The following LGALS12 variants were observed in gnomAD, a reference collection of about 807,000 sequenced individuals.
LGALS12 encodes galectin 12.
A neutral mutation model predicts 36.8 loss-of-function variants in LGALS12; 36 were observed. The ratio of observed to expected loss-of-function variants is 0.98; its 90% confidence interval spans 0.75 to 1.29. The LOEUF (loss-of-function observed/expected upper bound fraction) is 1.29, where lower values mean the gene tolerates loss of function less well. LGALS12 is among the 50% of genes most tolerant of loss of function. The pLI is 0.00. For synonymous variants in LGALS12, 145 were observed against 155.9 expected, an observed-to-expected ratio of 0.93 and a Z score of 0.52; for missense variants, 366 against 394.3, an observed-to-expected ratio of 0.93 and a Z score of 0.61.
In LGALS12 at chr11:63,516,546, G is replaced by A. The variant is rs1181338223; in HGVS notation, c.*153G>A. ...CGAGACTGAGTCTACAGGAGCTTTGGGCCTGAGGGAAGGCACAAGAGTGCA... is the reference window on the plus strand; with the variant it reads ...CGAGACTGAGTCTACAGGAGCTTTGAGCCTGAGGGAAGGCACAAGAGTGCA... On this transcript the variant is annotated 3_prime_UTR_variant, in exon 9 of 9. Coordinates refer to ENST00000394618, the MANE Select transcript of LGALS12 (RefSeq NM_033101.4). The A allele has an allele frequency of 1.1e-6, 1 of 883,574 alleles. No individual in the cohort carries two copies. Among genetic ancestry groups the A allele is most frequent in the Non-Finnish European group, 1.8e-6 (1 of 571,200 alleles). 54.7% of individuals were successfully genotyped at this position (883,574 alleles called of 1,614,324 possible).
At position 63,516,482 on chromosome 11, in the gene LGALS12, T is replaced by G; in HGVS notation, c.*89T>G. ...TCCTCCCCTCATTAAACCATCCACC[T>G]GACACCAGCACATCAGGCCTGGTTC... On this transcript the variant is annotated 3_prime_UTR_variant, in exon 9 of 9. Transcript: ENST00000394618. 1 of 1,461,460 alleles carries G rather than the reference T, an allele frequency of 6.8e-7. No homozygotes were observed. Among genetic ancestry groups the G allele is most frequent in the Non-Finnish European group, 9.5e-7 (1 of 1,055,344 alleles). The allele number at this position is 1,461,460 out of a possible 1,614,324, so 90.5% of individuals were successfully genotyped here.
chr11:63,506,824 T>C (rs1206595159), intron 1 of LGALS12, among the ~76,000 whole-genome samples: 1 of 151,346 alleles, frequency 6.6e-6, no homozygotes, highest in Non-Finnish European at 1.5e-5. Flanking sequence ...GGTGTGGGGG[T>C]AGGATTGTTG....
intron 5 of LGALS12, among the ~76,000 whole-genome samples, chr11:63,510,868 G>A (rs937883766): frequency 5.3e-5 from 8 of 152,214 alleles, no homozygotes; most frequent in African/African-American, 1.9e-4. Context: ...CACAGGGAGT[G>A]GATGACAAAT....
At chr11:63,511,609 G>A (rs1411015043) in intron 6 of LGALS12, 143 bp from the exon 7 acceptor site, 2 of 633,756 alleles carry the variant, frequency 3.2e-6, no homozygotes, top group East Asian at 2.7e-5. Flanking sequence ...AGGAGGCCAG[G>A]TGCTTAACAA....
At chr11:63,509,951 ACTCCT>A in intron 4 of LGALS12, 54 bp downstream of exon 4, 1 of 1,584,466 alleles carries the variant, frequency 6.3e-7, no homozygotes, top group Non-Finnish European at 8.6e-7. Flanking sequence ...ATTTCCCCTG[ACTCCT>A]GGACGGGCCT....
chr11:63,509,968 G>A (rs900470549), intron 4 of LGALS12, 71 bp downstream of exon 4: 3 of 1,548,850 alleles, frequency 1.9e-6, no homozygotes, highest in Non-Finnish European at 2.6e-6. Context: ...GACGGGCCTG[G>A]GACCCCTTCC....
intron 3 of LGALS12, among the ~76,000 whole-genome samples, 172 bp downstream of exon 3, chr11:63,509,163 G>A (rs2016840667): frequency 6.6e-6 from 1 of 152,238 alleles, no homozygotes; most frequent in Non-Finnish European, 1.5e-5. Context: ...CCACATGGCA[G>A]CAAGAAAGCT....
In LGALS12 at chr11:63,515,607, C is replaced by T; in HGVS notation, c.692C>T (p.Thr231Ile). Residue 231 changes from threonine (T) to isoleucine (I), a missense_variant, in exon 8 of 9, where the codon ACA (threonine) becomes ATA (isoleucine). Thr to Ile is a moderately conservative substitution (Grantham distance 89, BLOSUM62 -1). Coordinates refer to ENST00000394618, the MANE Select transcript of LGALS12 (RefSeq NM_033101.4). ...LRDQAAHAPV[T>I]LRASFADRTL... ...GACCAGGCTGCCCATGCTCCTGTGA[C>T]ACTCAGGGCCTCCTTCGCAGACAGA... 1.9e-6 allele frequency: 3 copies of T among 1,614,212 alleles called. No homozygotes were observed. The highest frequency in any genetic ancestry group is 1.7e-6 in the Non-Finnish European group (2 of 1,180,016).
At chr11:63,507,332 G>C (rs897637061) in intron 1 of LGALS12, among the ~76,000 whole-genome samples, 1 of 152,164 alleles carries the variant, frequency 6.6e-6, no homozygotes, top group Non-Finnish European at 1.5e-5. Context: ...GTTCCTAAAG[G>C]TTGTTGGGAG....
Position 63,509,768 on chromosome 11 carries a change from G to C in LGALS12, c.373-10G>C. On this transcript the variant is annotated splice_polypyrimidine_tract_variant and intron_variant, in intron 3 of 8. Transcript: ENST00000394618. ...GCTGCTGATAAGCCAGCCTCTGTCT[G>C]TCTCTCCAGGTGAGTGTGAATGGAC... 1 of 1,613,558 alleles carries C rather than the reference G, an allele frequency of 6.2e-7. No individual in the cohort carries two copies. Among genetic ancestry groups the C allele is most frequent in the Non-Finnish European group, 8.5e-7 (1 of 1,179,678 alleles).
chr11:63,508,275 C>G, intron 1 of LGALS12: 1 of 1,305,056 alleles, frequency 7.7e-7, no homozygotes, highest in Non-Finnish European at 9.8e-7. Flanking sequence ...CTGTTGTGTC[C>G]TAGGAGCTGG....
chr11:63,511,139 G>A (rs746317243), intron 6 of LGALS12, 34 bp downstream of exon 6: 1 of 1,605,622 alleles, frequency 6.2e-7, no homozygotes, highest in Non-Finnish European at 8.5e-7. Context: ...TGTCAGGGCT[G>A]GGGGCGCAGC....
In LGALS12 at chr11:63,507,712, G is replaced by A. The variant is rs2016781467; in HGVS notation, c.70-841G>A. Among the ~76,000 whole-genome samples, 6 of 146,926 alleles carry A rather than the reference G, an allele frequency of 4.1e-5. No individual in the cohort carries two copies. In the South Asian group the frequency reaches 1.3e-3, roughly 33 times the overall value. On this transcript the variant is annotated intron_variant, in intron 1 of 8. Coordinates refer to ENST00000394618, the MANE Select transcript of LGALS12 (RefSeq NM_033101.4). Reference sequence around the variant, plus strand: ...AAAACTGTATGATGTATTTTAGGAAGGCCAGGCAACTTCTTTTTTTTTTTT... The same window carrying A: ...AAAACTGTATGATGTATTTTAGGAAAGCCAGGCAACTTCTTTTTTTTTTTT...
chr11:63,516,357 C>T lies in LGALS12; in HGVS notation c.909C>T (p.Ile303=), dbSNP rs200473132. Residue 303 remains isoleucine (I), a synonymous_variant, in exon 9 of 9, where the codon ATC becomes ATT. Coordinates refer to ENST00000394618, the MANE Select transcript of LGALS12 (RefSeq NM_033101.4). ...QALEQLRELR[I]SGSVQLYCVH... is the part of the protein sequence containing the mutation. ...TGGAGCAGCTGCGGGAGCTCCGGAT[C>T]AGTGGAAGTGTCCAGCTCTACTGTG... The T allele has an allele frequency of 5.6e-6, 9 of 1,613,964 alleles. No individual in the cohort carries two copies. The East Asian group carries it at 2.0e-4, about 36-fold the overall frequency.
chr11:63,510,514 G>T lies in LGALS12; in HGVS notation c.531+13G>T, dbSNP rs2016885688. 6.2e-7 allele frequency: 1 copy of T among 1,613,702 alleles called. No homozygotes were observed. The highest frequency in any genetic ancestry group is 1.3e-5 in the African/African-American group (1 of 74,882). On this transcript the variant is annotated intron_variant, in intron 5 of 8. Transcript: ENST00000394618. ...CCCAGCTGGACATGTGAGTTTCTTG[G>T]CAGCAAGGTCTGAGCAGCCACACCA...
At position 63,516,351 on chromosome 11, in the gene LGALS12, C is replaced by A. The variant is rs1317678828; in HGVS notation, c.903C>A (p.Leu301=). The A allele has an allele frequency of 2.9e-5, 47 of 1,613,812 alleles. No individual in the cohort carries two copies. Among genetic ancestry groups the A allele is most frequent in the Non-Finnish European group, 3.9e-5 (46 of 1,179,984 alleles). The change falls in exon 9 of 9, where the codon CTC becomes CTA. Residue 301 remains leucine, a synonymous_variant. Transcript: ENST00000394618. ...NQQALEQLRE[L]RISGSVQLYC... is the part of the protein sequence containing the mutation. The stretch of plus-strand genomic sequence containing the variant: ...AGGCCCTGGAGCAGCTGCGGGAGCT[C>A]CGGATCAGTGGAAGTGTCCAGCTCT...
Position 63,511,808 on chromosome 11 carries a change from A to G in LGALS12, c.615A>G (p.Ile205Met), listed in dbSNP as rs1482745551. 2.5e-6 allele frequency: 4 copies of G among 1,613,578 alleles called. No individual in the cohort carries two copies. Among genetic ancestry groups the G allele is most frequent in the Non-Finnish European group, 3.4e-6 (4 of 1,179,832 alleles). The part of the protein sequence containing the change: ...PQGLSPGQVI[I>M]VRGLVLQEPK... ...GTCTCTCGCCTGGGCAGGTCATCAT[A>G]GTACGGGGACTGGTCTTGCAAGAGC... The change falls in exon 7 of 9, where the codon ATA becomes ATG. Residue 205 changes from isoleucine to methionine, a missense_variant. Transcript: ENST00000394618.
intron 7 of LGALS12, among the ~76,000 whole-genome samples, chr11:63,512,512 C>T (rs533803334): frequency 3.3e-5 from 5 of 152,224 alleles, no homozygotes; most frequent in South Asian, 4.2e-4. Flanking sequence ...GATGATAGGC[C>T]GGGCGCGGTG....
rs759776717 is a variant in LGALS12 at position 63,515,682 on chromosome 11, C to T, written c.767C>T (p.Pro256Leu). The T allele has an allele frequency of 4.2e-5, 67 of 1,614,066 alleles. No homozygotes were observed. In the Admixed American group the frequency reaches 1.1e-3, roughly 27 times the overall value. The change falls in exon 8 of 9, where the codon CCC (proline) becomes CTC (leucine). Residue 256 changes from proline (P) to leucine (L), a missense_variant. Pro to Leu is a moderately conservative substitution (Grantham distance 98). Transcript: ENST00000394618. ...GGGCAGAAGAAACTGATCTCAGCCC[C>T]CTTCCTCTTTTACCCCCAGAGATTC... ...RWGQKKLISAPFLFYPQRFFE... is the reference protein window; with the variant it reads ...RWGQKKLISALFLFYPQRFFE...
Sources: allele counts gnomAD v4.1 joint callset (sites outside exome capture counted in the v4.1 genomes callset), GRCh38; gene constraint gnomAD v4.1.1; transcripts MANE v1.5; gene names NCBI Gene and HGNC (gene_info 2026-07-23, HGNC 2026-07-21).